TTYH3: variants seen among roughly 807,000 people sequenced by gnomAD.
TTYH3 encodes tweety family member 3.
Under a neutral mutation model 68.2 loss-of-function variants are expected in TTYH3, and 23 were observed. That is an observed-to-expected ratio of 0.34 (90% CI 0.24 to 0.48). TTYH3 has a LOEUF of 0.48. Ranked by LOEUF, TTYH3 falls within the 20% of genes least tolerant of loss-of-function variation. TTYH3 has a pLI of 0.99. For missense variants in TTYH3, 768 were observed against 727.7 expected (o/e 1.06, Z -0.64); for synonymous variants, 360 against 332.8 (o/e 1.08, Z -0.89).
chr7:2,663,848 A>G lies in TTYH3; in HGVS notation c.*2109A>G, dbSNP rs1365057543. On this transcript the variant is annotated 3_prime_UTR_variant, in exon 14 of 14. Coordinates refer to ENST00000258796, the MANE Select transcript of TTYH3 (RefSeq NM_025250.3). ...TGTGCCCGTCTGTGACTTTCTACTC[A>G]CCAAGGTTGAAGAAAGGAAACGGGG... 6.6e-6 allele frequency: 1 copy of G among 152,364 alleles called. No individual in the cohort carries two copies. 9.4% of individuals were successfully genotyped at this position (152,364 alleles called of 1,614,324 possible).
At chr7:2,659,040 A>G (rs1172155480) in intron 13 of TTYH3, 25 bp downstream of exon 13, 5 of 1,579,058 alleles carry the variant, frequency 3.2e-6, no homozygotes, top group Non-Finnish European at 3.5e-6. Context: ...AGGAGGGTGG[A>G]TGGGGGGCTG....
chr7:2,656,420 G>A lies in TTYH3; in HGVS notation c.1136G>A (p.Gly379Asp), dbSNP rs199499341. The A allele has an allele frequency of 6.2e-7, 1 of 1,611,322 alleles. No homozygotes were observed. The highest frequency in any genetic ancestry group is 8.5e-7 in the Non-Finnish European group (1 of 1,179,660). ...LHLDYVQALT[G>D]FCYDGVEGLI... ...CAGGACTACGTGCAAGCGCTGACCG[G>A]CTTCTGCTATGACGGCGTGGAGGGC... Residue 379 changes from glycine (G) to aspartate (D), a missense_variant, in exon 11 of 14, where the codon GGC becomes GAC. Gly to Asp is a moderately conservative substitution (Grantham distance 94). Coordinates refer to ENST00000258796, the MANE Select transcript of TTYH3 (RefSeq NM_025250.3).
chr7:2,640,469 C>T (rs948945165), intron 1 of TTYH3, among the ~76,000 whole-genome samples: 3 of 152,146 alleles, frequency 2.0e-5, no homozygotes, highest in Non-Finnish European at 4.4e-5. Context: ...TGGCATGCTT[C>T]CTCACACGCT....
At chr7:2,642,693 A>C (rs1785880364) in intron 1 of TTYH3, among the ~76,000 whole-genome samples, 1 of 150,450 alleles carries the variant, frequency 6.6e-6, no homozygotes, top group Non-Finnish European at 1.5e-5. Context: ...GTGCCACTGC[A>C]CTCCAGCCTG....
chr7:2,658,482 G>A (rs2114998472), intron 12 of TTYH3, 23 bp downstream of exon 12: 1 of 1,590,214 alleles, frequency 6.3e-7, no homozygotes, highest in Non-Finnish European at 8.6e-7. Flanking sequence ...GGGCCTAGTG[G>A]GGCCAGCGGA....
At position 2,650,724 on chromosome 7, in the gene TTYH3, T is replaced by C. The variant is rs58525949; in HGVS notation, c.871+736T>C. Among the ~76,000 whole-genome samples, 263 of 151,704 alleles carry C rather than the reference T, an allele frequency of 1.7e-3. 1 individual carries two copies. The highest frequency in any genetic ancestry group is 6.3e-3 in the African/African-American group (259 of 41,334). On this transcript the variant is annotated intron_variant, in intron 7 of 13. Transcript: ENST00000258796. Reference sequence around the variant, plus strand: ...TTCGCTTTATTCCAGGGGGAGGCCATTGGAGGGAGGGAGGCAGGGGAGAGA... The same window carrying C: ...TTCGCTTTATTCCAGGGGGAGGCCACTGGAGGGAGGGAGGCAGGGGAGAGA...
At chr7:2,651,451 T>C (rs903929855) in intron 7 of TTYH3, among the ~76,000 whole-genome samples, 1 of 152,172 alleles carries the variant, frequency 6.6e-6, no homozygotes, top group African/African-American at 2.4e-5. Context: ...GGAGGGCTGG[T>C]GACCGCTCAG....
At chr7:2,661,561 G>A (rs1786497402) in intron 13 of TTYH3, 107 bp from the exon 14 acceptor site, 1 of 1,114,656 alleles carries the variant, frequency 9.0e-7, no homozygotes, top group Non-Finnish European at 1.3e-6. Flanking sequence ...GTCCCATTCT[G>A]CCCCCAGGGC....
chr7:2,655,342 C>T (rs760044285), intron 9 of TTYH3, among the ~76,000 whole-genome samples: 14 of 152,176 alleles, frequency 9.2e-5, no homozygotes, highest in Admixed American at 7.2e-4. Flanking sequence ...GACAGGGTTT[C>T]ACCATGTTGC....
intron 13 of TTYH3, chr7:2,660,431 CA>C (rs1360979966): frequency 1.0e-6 from 1 of 985,434 alleles, no homozygotes; most frequent in South Asian, 4.7e-5. Context: ...AACTGCGTGT[CA>C]GGGGCGTGCA....
chr7:2,655,143 C>CT (rs996128685), intron 9 of TTYH3, among the ~76,000 whole-genome samples: 18 of 150,848 alleles, frequency 1.2e-4, no homozygotes, highest in South Asian at 4.2e-4. Flanking sequence ...AAATCCATTT[C>CT]TTTTTTTTTG....
rs75844578 is a variant in TTYH3, at chr7:2,660,837, C to G, written c.1501-831C>G. Among the ~76,000 whole-genome samples the G allele has an allele frequency of 9.8e-3, 1,498 of 152,324 alleles. 30 individuals are homozygous for G. The highest frequency in any genetic ancestry group is 0.034 in the African/African-American group (1,415 of 41,574). ...ACTGCCGCCGGCCCCTGACACGTGCCAGGCCTGTGGGTCCTTTGGCCTCAG... is the reference window on the plus strand; with the variant it reads ...ACTGCCGCCGGCCCCTGACACGTGCGAGGCCTGTGGGTCCTTTGGCCTCAG... On this transcript the variant is annotated intron_variant, in intron 13 of 13. Transcript: ENST00000258796.
intron 1 of TTYH3, among the ~76,000 whole-genome samples, chr7:2,634,420 C>A (rs1785605266): frequency 6.6e-6 from 1 of 152,128 alleles, no homozygotes; most frequent in South Asian, 2.1e-4. Flanking sequence ...CCTGCCTCCC[C>A]TGGTGAGGAG....
intron 4 of TTYH3, 48 bp downstream of exon 4, chr7:2,647,686 C>A: frequency 6.6e-7 from 1 of 1,524,708 alleles, no homozygotes; most frequent in Non-Finnish European, 8.9e-7. Context: ...GAAAGCATCA[C>A]CCTCCTTGGG....
In TTYH3 at chr7:2,652,979, GGACCGTCCC is replaced by G; in HGVS notation, c.990_998del (p.Arg330_Pro333delinsSer). On this transcript the variant is annotated inframe_deletion, in exon 9 of 14. Coordinates refer to ENST00000258796, the MANE Select transcript of TTYH3 (RefSeq NM_025250.3). ...CAGGATGTCGTGGCTGAGCTTCTGA[GGACCGTCCC>G]CTGGGAGCAGCCGGCCACTAAGGTG... 1 of 1,575,578 alleles carries G rather than the reference GGACCGTCCC, an allele frequency of 6.3e-7. No individual in the cohort carries two copies. Among genetic ancestry groups the G allele is most frequent in the Non-Finnish European group, 8.6e-7 (1 of 1,161,082 alleles).
chr7:2,638,689 C>T (rs555110816), intron 1 of TTYH3, among the ~76,000 whole-genome samples: 3 of 152,328 alleles, frequency 2.0e-5, no homozygotes, highest in Admixed American at 6.5e-5. Context: ...TCATGGAATG[C>T]GTGAAACCCA....
At chr7:2,654,606 A>G (rs1254888510) in intron 9 of TTYH3, among the ~76,000 whole-genome samples, 1 of 152,160 alleles carries the variant, frequency 6.6e-6, no homozygotes, top group Admixed American at 6.6e-5. Flanking sequence ...GGACCCCCAT[A>G]GCACAGCAGC....
At position 2,656,431 on chromosome 7, in the gene TTYH3, G is replaced by T; in HGVS notation, c.1147G>T (p.Asp383Tyr). 1 of 1,611,784 alleles carries T rather than the reference G, an allele frequency of 6.2e-7. No individual in the cohort carries two copies. Residue 383 changes from aspartate to tyrosine, a missense_variant, in exon 11 of 14, where the codon GAC becomes TAC. Transcript: ENST00000258796. ...YVQALTGFCYDGVEGLIYLAL... is the reference protein window; with the variant it reads ...YVQALTGFCYYGVEGLIYLAL... Reference sequence around the variant, plus strand: ...GCAAGCGCTGACCGGCTTCTGCTATGACGGCGTGGAGGGCCTCATCTACCT... The same window carrying T: ...GCAAGCGCTGACCGGCTTCTGCTATTACGGCGTGGAGGGCCTCATCTACCT...
chr7:2,648,049 G>C lies in TTYH3; in HGVS notation c.717G>C (p.Leu239=). The change falls in exon 5 of 14, where the codon CTG becomes CTC. Residue 239 remains leucine (L), a synonymous_variant. Coordinates refer to ENST00000258796, the MANE Select transcript of TTYH3 (RefSeq NM_025250.3). ...VGLIRSSKGI[L]VGVCLLGVLA... ...TCATCCGCAGCTCCAAGGGCATCCTGGTGGGGTGAGTCTGGGGGTGTCGGC... is the reference window on the plus strand; with the variant it reads ...TCATCCGCAGCTCCAAGGGCATCCTCGTGGGGTGAGTCTGGGGGTGTCGGC... The C allele has an allele frequency of 6.2e-7, 1 of 1,609,098 alleles. No individual in the cohort carries two copies. Among genetic ancestry groups the C allele is most frequent in the Non-Finnish European group, 8.5e-7 (1 of 1,179,724 alleles).
Sources: gnomAD v4.1 joint callset for allele counts (sites outside exome capture counted in the v4.1 genomes callset) on GRCh38, gnomAD v4.1.1 for gene constraint, MANE v1.5 for transcripts, NCBI Gene and HGNC (gene_info 2026-07-23, HGNC 2026-07-21) for gene names.